DRC5: variants seen among roughly 807,000 people sequenced by gnomAD.
DRC5 encodes the protein dynein regulatory complex subunit 5.
the DRC5 span, among the ~76,000 whole-genome samples, chr6:44,294,489 A>T: frequency 3.3e-5 from 5 of 151,942 alleles, no homozygotes; most frequent in African/African-American, 1.2e-4. Context: ...TCATGCCTGT[A>T]GTCTTAGCAC....
the DRC5 span, among the ~76,000 whole-genome samples, chr6:44,285,081 G>A: frequency 6.6e-6 from 1 of 152,194 alleles, no homozygotes; most frequent in Admixed American, 6.5e-5. Flanking sequence ...AGCTGGCCAT[G>A]TTCACTCTGC....
the DRC5 span, among the ~76,000 whole-genome samples, chr6:44,288,741 C>T: frequency 6.6e-6 from 1 of 151,998 alleles, no homozygotes; most frequent in African/African-American, 2.4e-5. Context: ...TGCCTGTAAT[C>T]CCAGCACTTT....
the DRC5 span, chr6:44,285,850 C>A: frequency 9.5e-7 from 1 of 1,053,588 alleles, no homozygotes; most frequent in Non-Finnish European, 1.4e-6. Context: ...AAACACTTGG[C>A]CAATGAAAGA....
At chr6:44,291,395 C>T in the DRC5 span, among the ~76,000 whole-genome samples, 48 of 152,214 alleles carry the variant, frequency 3.2e-4, 1 homozygote, top group East Asian at 7.5e-3. Context: ...ACATAGAAAA[C>T]AAAGTATATT....
chr6:44,288,150 G>C, the DRC5 span, among the ~76,000 whole-genome samples: 1 of 152,280 alleles, frequency 6.6e-6, no homozygotes, highest in East Asian at 1.9e-4. Flanking sequence ...ATAAAATAAT[G>C]CATCCAAAGG....
chr6:44,289,041 GCTTTT>G, the DRC5 span, among the ~76,000 whole-genome samples: 1 of 86,046 alleles, frequency 1.2e-5, no homozygotes. Flanking sequence ...GGTGAAATTA[GCTTTT>G]TTTTTTTTTT....
At chr6:44,295,019 G>A in the DRC5 span, among the ~76,000 whole-genome samples, 14 of 152,140 alleles carry the variant, frequency 9.2e-5, no homozygotes, top group African/African-American at 2.2e-4. Flanking sequence ...TGGGGGCCCC[G>A]GGCACATGGA....
chr6:44,297,469 G>A, the DRC5 span, among the ~76,000 whole-genome samples: 1 of 152,212 alleles, frequency 6.6e-6, no homozygotes, highest in African/African-American at 2.4e-5. Context: ...CGTGGAGGGC[G>A]TGGGGTCTCC....
At chr6:44,297,618 A>T in the DRC5 span, 2 of 152,122 alleles carry the variant, frequency 1.3e-5, no homozygotes, top group Non-Finnish European at 1.5e-5. Flanking sequence ...CCGATAAGGG[A>T]GACCGGGGCT....
the DRC5 span, among the ~76,000 whole-genome samples, chr6:44,294,261 C>T: frequency 3.9e-5 from 6 of 152,006 alleles, no homozygotes; most frequent in East Asian, 9.7e-4. Context: ...AGATTACAGG[C>T]GTGAGCCACT....
chr6:44,287,503 C>G, the DRC5 span: 1 of 1,558,636 alleles, frequency 6.4e-7, no homozygotes, highest in East Asian at 2.3e-5. Context: ...CCACCTAGCC[C>G]CCCTCTTGGC....
At chr6:44,286,572 T>TG in the DRC5 span, 2 of 1,552,412 alleles carry the variant, frequency 1.3e-6, no homozygotes, top group South Asian at 2.4e-5. Flanking sequence ...GTCACAGTGT[T>TG]GGGGGACACC....
the DRC5 span, among the ~76,000 whole-genome samples, chr6:44,285,589 T>C: frequency 1.3e-5 from 2 of 152,352 alleles, no homozygotes; most frequent in African/African-American, 4.8e-5. Flanking sequence ...TTCTATTTGC[T>C]ACATCTGGCA....
chr6:44,286,412 C>G, the DRC5 span: 102 of 1,614,134 alleles, frequency 6.3e-5, no homozygotes, highest in African/African-American at 9.6e-4. Flanking sequence ...CATGCAGCAG[C>G]GGAGCCAGTA....
chr6:44,285,855 G>T, the DRC5 span: 1 of 1,106,596 alleles, frequency 9.0e-7, no homozygotes, highest in Non-Finnish European at 1.3e-6. Flanking sequence ...CTTGGCCAAT[G>T]AAAGAGAAGG....
chr6:44,287,322 G>C, the DRC5 span: 1 of 812,172 alleles, frequency 1.2e-6, no homozygotes, highest in Non-Finnish European at 1.5e-6. Flanking sequence ...GAGGCATGGA[G>C]GGTGCAGTGT....
At chr6:44,280,122 G>T in the DRC5 span, 1 of 1,454,348 alleles carries the variant, frequency 6.9e-7, no homozygotes, top group Non-Finnish European at 9.6e-7. Flanking sequence ...TCTGCAGCAG[G>T]CATGGCAGGG....
chr6:44,293,817 T>C, the DRC5 span, among the ~76,000 whole-genome samples: 1 of 152,256 alleles, frequency 6.6e-6, no homozygotes, highest in Non-Finnish European at 1.5e-5. Context: ...TTCATCCCTG[T>C]TAGGGTAAAT....
chr6:44,287,561 T>C, the DRC5 span: 2 of 1,608,436 alleles, frequency 1.2e-6, no homozygotes, highest in Non-Finnish European at 1.7e-6. Context: ...TGGAAGTTCC[T>C]GATAATGTGC....
Sources: gnomAD v4.1 joint callset for allele counts (sites outside exome capture counted in the v4.1 genomes callset) on GRCh38, gnomAD v4.1.1 for gene constraint, MANE v1.5 for transcripts, NCBI Gene and HGNC (gene_info 2026-07-23, HGNC 2026-07-21) for gene names.